Variants in ACTR3C observed in about 807,000 individuals in gnomAD.
ACTR3C encodes the protein actin related protein 3C.
Under a neutral mutation model 26.3 loss-of-function variants are expected in ACTR3C, and 18 were observed. That is an observed-to-expected ratio of 0.68 (90% CI 0.47 to 1.01). The LOEUF is 1.01. Ranked by LOEUF, ACTR3C falls within the 50% of genes least tolerant of loss-of-function variation. The pLI, the probability that ACTR3C is intolerant of heterozygous loss-of-function variation, is 0.00. For missense variants in ACTR3C, 184 were observed against 250.7 expected, an observed-to-expected ratio of 0.73 and a Z score of 1.80; for synonymous variants, 55 against 94.5, an observed-to-expected ratio of 0.58 and a Z score of 2.42.
At chr7:150,182,612 T>C in the ACTR3C span, among the ~76,000 whole-genome samples, 4 of 150,772 alleles carry the variant, frequency 2.7e-5, no homozygotes, top group African/African-American at 2.5e-5. Flanking sequence ...CAATGTTCCA[T>C]CAATTACAGA....
At chr7:150,114,590 A>C in the ACTR3C span, among the ~76,000 whole-genome samples, 1 of 152,354 alleles carries the variant, frequency 6.6e-6, no homozygotes, top group East Asian at 1.9e-4. Flanking sequence ...ATTTTTTTAC[A>C]TGAAGATTTA....
chr7:149,966,321 A>T, the ACTR3C span, among the ~76,000 whole-genome samples: 1 of 152,172 alleles, frequency 6.6e-6, no homozygotes, highest in South Asian at 2.1e-4. Context: ...CAGGCCTGGG[A>T]TTAAACATCA....
At chr7:149,918,605 G>A in the ACTR3C span, among the ~76,000 whole-genome samples, 1 of 152,142 alleles carries the variant, frequency 6.6e-6, no homozygotes, top group African/African-American at 2.4e-5. Context: ...CAGGAGAATT[G>A]CTTGAACCCA....
the ACTR3C span, among the ~76,000 whole-genome samples, chr7:150,230,337 A>G: frequency 9.8e-5 from 15 of 152,306 alleles, no homozygotes; most frequent in Non-Finnish European, 1.9e-4. Flanking sequence ...TAATACAAAT[A>G]CACCTGTCAA....
chr7:150,146,331 C>T, the ACTR3C span, among the ~76,000 whole-genome samples: 1 of 152,298 alleles, frequency 6.6e-6, no homozygotes, highest in Non-Finnish European at 1.5e-5. Context: ...GAACACAGAT[C>T]CACTTCCTTA....
chr7:150,038,072 C>A, the ACTR3C span, among the ~76,000 whole-genome samples: 6 of 138,612 alleles, frequency 4.3e-5, 1 homozygote, highest in Admixed American at 1.4e-4. Context: ...GAGTCCCCAC[C>A]TCGCGGGGGG....
At chr7:150,225,515 G>A in the ACTR3C span, among the ~76,000 whole-genome samples, 1 of 152,156 alleles carries the variant, frequency 6.6e-6, no homozygotes, top group African/African-American at 2.4e-5. Context: ...TATATGTACA[G>A]TGGTATCAGA....
the ACTR3C span, among the ~76,000 whole-genome samples, chr7:150,065,521 T>G: frequency 6.6e-6 from 1 of 152,186 alleles, no homozygotes; most frequent in African/African-American, 2.4e-5. Flanking sequence ...GATCAGCTAG[T>G]GAGCAATTTG....
chr7:150,055,620 G>A, the ACTR3C span, among the ~76,000 whole-genome samples: 1 of 151,920 alleles, frequency 6.6e-6, no homozygotes, highest in Admixed American at 6.6e-5. Flanking sequence ...TTTCATGTCA[G>A]GAAGAAGGTA....
chr7:149,885,085 T>G, the ACTR3C span, among the ~76,000 whole-genome samples: 1 of 152,110 alleles, frequency 6.6e-6, no homozygotes, highest in Non-Finnish European at 1.5e-5. Flanking sequence ...ACCGCCTCCC[T>G]TTACCCACCA....
downstream of ACTR3C, among the ~76,000 whole-genome samples, chr7:150,241,338 A>G (rs1049228205): frequency 1.3e-5 from 2 of 152,126 alleles, no homozygotes; most frequent in African/African-American, 4.8e-5. Context: ...TCACACATAT[A>G]TCATCAACTC....
the ACTR3C span, among the ~76,000 whole-genome samples, chr7:150,042,513 C>CT: frequency 1.4e-5 from 2 of 141,218 alleles, no homozygotes; most frequent in African/African-American, 3.0e-5. Context: ...TTGCCTCGCC[C>CT]CCTGCGATAG....
chr7:149,915,094 A>G, the ACTR3C span, among the ~76,000 whole-genome samples: 17,745 of 151,968 alleles, frequency 0.12, 3,300 homozygotes, highest in African/African-American at 0.39. Flanking sequence ...TGGCCAGGCT[A>G]GTCTGGAACT....
chr7:150,249,955 G>A (rs1369063736), intron 6 of ACTR3C, among the ~76,000 whole-genome samples: 1 of 152,162 alleles, frequency 6.6e-6, no homozygotes, highest in African/African-American at 2.4e-5. Flanking sequence ...ACTGTGATGG[G>A]TTAGGGTACA....
At chr7:150,287,244 G>A (rs1835854771) in intron 4 of ACTR3C, among the ~76,000 whole-genome samples, 1 of 151,804 alleles carries the variant, frequency 6.6e-6, no homozygotes, top group Admixed American at 6.6e-5. Flanking sequence ...ACTCTAGCTG[G>A]GAGTCAGAAA....
the ACTR3C span, among the ~76,000 whole-genome samples, chr7:149,925,711 A>G: frequency 1.3e-5 from 2 of 152,204 alleles, no homozygotes; most frequent in African/African-American, 2.4e-5. Flanking sequence ...ATCTCAGGAT[A>G]AATTCCAAAT....
At chr7:150,207,241 C>T in the ACTR3C span, among the ~76,000 whole-genome samples, 1 of 152,170 alleles carries the variant, frequency 6.6e-6, no homozygotes, top group South Asian at 2.1e-4. Flanking sequence ...ACCACACTGA[C>T]CACTCTTTCC....
the ACTR3C span, among the ~76,000 whole-genome samples, chr7:150,088,274 T>C: frequency 6.6e-6 from 1 of 152,388 alleles, no homozygotes; most frequent in East Asian, 1.9e-4. Context: ...CTAAGTATTG[T>C]CTTCCTTTTC....
the ACTR3C span, among the ~76,000 whole-genome samples, chr7:149,927,590 T>C: frequency 1.3e-5 from 2 of 151,738 alleles, no homozygotes; most frequent in Non-Finnish European, 2.9e-5. Context: ...TAGCCGGGCA[T>C]AGTGGCGCAT....
Sources: allele counts gnomAD v4.1 joint callset (sites outside exome capture counted in the v4.1 genomes callset), GRCh38; gene constraint gnomAD v4.1.1; transcripts MANE v1.5; gene names NCBI Gene and HGNC (gene_info 2026-07-23, HGNC 2026-07-21).